Variants in TRAPPC12 observed in about 807,000 individuals in gnomAD.
TRAPPC12 encodes trafficking protein particle complex subunit 12.
A neutral mutation model predicts 69.2 loss-of-function variants in TRAPPC12; 61 were observed. The observed-to-expected ratio is 0.88, with a 90% CI of 0.72 to 1.09. The LOEUF is 1.09. Among genes scored for constraint, TRAPPC12 ranks in the 50% least tolerant of loss-of-function variants. The pLI is 0.00. For missense variants in TRAPPC12, 1,101 were observed against 1,016.4 expected (o/e 1.08, Z -1.13); for synonymous variants, 469 against 438.9 (o/e 1.07, Z -0.86).
chr2:3,458,093 G>C (rs1665279598), intron 7 of TRAPPC12: 1 of 1,031,096 alleles, frequency 9.7e-7, no homozygotes, highest in Non-Finnish European at 1.2e-6. Flanking sequence ...CAGAGGCTCG[G>C]GAGGGTGCTT....
chr2:3,393,640 A>G lies in TRAPPC12; in HGVS notation c.1047+4970A>G, dbSNP rs532530853. On this transcript the variant is annotated intron_variant, in intron 2 of 11. Transcript: ENST00000324266. ...GAATATATATAATTTGTATTTGTCA[A>G]CTAAATATTCTAAAATTTAAAAATA... Among the ~76,000 whole-genome samples, 13 of 152,150 alleles carry G rather than the reference A, an allele frequency of 8.5e-5. 1 individual carries two copies. In the South Asian group the frequency reaches 2.7e-3, roughly 32 times the overall value.
At chr2:3,386,899 T>A (rs1472850392) in intron 1 of TRAPPC12, among the ~76,000 whole-genome samples, 1 of 152,160 alleles carries the variant, frequency 6.6e-6, no homozygotes. Context: ...TTGGCAAGGA[T>A]GTGAATTCCA....
At chr2:3,389,417 T>C (rs4353680) in intron 2 of TRAPPC12, among the ~76,000 whole-genome samples, 94,045 of 152,196 alleles carry the variant, frequency 0.62, 29,291 homozygotes, top group East Asian at 0.7. Context: ...GGAGCAGGCT[T>C]CACACGGGGC....
At chr2:3,436,779 GGATTAATA>G (rs1217941940) in intron 5 of TRAPPC12, among the ~76,000 whole-genome samples, 16 of 94,640 alleles carry the variant, frequency 1.7e-4, no homozygotes, top group African/African-American at 6.2e-4. Flanking sequence ...CACTACCCCT[GGATTAATA>G]CCCCATCACC....
intron 4 of TRAPPC12, among the ~76,000 whole-genome samples, chr2:3,423,874 T>A (rs1662956584): frequency 6.6e-6 from 1 of 152,204 alleles, no homozygotes; most frequent in Non-Finnish European, 1.5e-5. Flanking sequence ...TTCCTGAATG[T>A]ACCCCTGAGA....
intron 6 of TRAPPC12, 55 bp downstream of exon 6, chr2:3,443,946 T>G: frequency 7.4e-7 from 1 of 1,346,836 alleles, no homozygotes; most frequent in Non-Finnish European, 1.1e-6. Flanking sequence ...CTCCACGCCC[T>G]CCCCACAGGA....
chr2:3,384,682 T>A (rs904243251), intron 1 of TRAPPC12, among the ~76,000 whole-genome samples: 1 of 152,196 alleles, frequency 6.6e-6, no homozygotes, highest in Non-Finnish European at 1.5e-5. Flanking sequence ...ATTTCAAGAT[T>A]TTTGCATGTG....
intron 5 of TRAPPC12, among the ~76,000 whole-genome samples, chr2:3,438,582 C>T (rs548933640): frequency 9.8e-6 from 1 of 102,296 alleles, no homozygotes; most frequent in African/African-American, 3.7e-5. Context: ...CTGGATTAAT[C>T]CCCCCATCCC....
At chr2:3,409,067 A>C (rs1339607890) in intron 3 of TRAPPC12, among the ~76,000 whole-genome samples, 2 of 152,202 alleles carry the variant, frequency 1.3e-5, no homozygotes, top group Non-Finnish European at 2.9e-5. Context: ...GCTGTCTTGC[A>C]GCCCAGTCCC....
At chr2:3,431,760 A>G (rs764161528) in intron 5 of TRAPPC12, among the ~76,000 whole-genome samples, 4 of 152,354 alleles carry the variant, frequency 2.6e-5, no homozygotes, top group Non-Finnish European at 4.4e-5. Context: ...ATTTGTTACA[A>G]TTGATGAACC....
chr2:3,397,028 G>A (rs1661172819), intron 2 of TRAPPC12, among the ~76,000 whole-genome samples: 1 of 152,126 alleles, frequency 6.6e-6, no homozygotes, highest in African/African-American at 2.4e-5. Flanking sequence ...GTTCTTATCT[G>A]AAAGTTCCAT....
chr2:3,457,884 C>T (rs544835590), intron 7 of TRAPPC12, 191 bp downstream of exon 7: 8 of 1,432,834 alleles, frequency 5.6e-6, no homozygotes, highest in East Asian at 2.5e-5. Flanking sequence ...GTGGGTGCAA[C>T]GTGCAGCCTC....
chr2:3,429,509 T>G (rs952896753), intron 5 of TRAPPC12, among the ~76,000 whole-genome samples: 1 of 152,230 alleles, frequency 6.6e-6, no homozygotes, highest in East Asian at 1.9e-4. Flanking sequence ...CTATTCGCGT[T>G]TCTCTGATTT....
At chr2:3,436,355 A>G (rs918654984) in intron 5 of TRAPPC12, among the ~76,000 whole-genome samples, 3 of 152,158 alleles carry the variant, frequency 2.0e-5, no homozygotes, top group South Asian at 4.1e-4. Flanking sequence ...CATGCTCATT[A>G]AAAACTCCAT....
chr2:3,395,510 G>A (rs903358227), intron 2 of TRAPPC12, among the ~76,000 whole-genome samples: 5 of 150,530 alleles, frequency 3.3e-5, no homozygotes, highest in Non-Finnish European at 4.4e-5. Flanking sequence ...TTGGGGTGCA[G>A]GTATACTAGC....
chr2:3,390,922 C>T (rs527258532), intron 2 of TRAPPC12, among the ~76,000 whole-genome samples: 52 of 152,236 alleles, frequency 3.4e-4, no homozygotes, highest in African/African-American at 1.2e-3. Flanking sequence ...TTCCTCTGAT[C>T]ATTGGTGAAT....
chr2:3,443,953 A>G lies in TRAPPC12; in HGVS notation c.1530+62A>G, dbSNP rs1282265456. ...AACATGCCCTCCACGCCCTCCCCAC[A>G]GGACATGCCCGTGCTGTTCCCTGCC... On this transcript the variant is annotated intron_variant, in intron 6 of 11. Coordinates refer to ENST00000324266, the MANE Select transcript of TRAPPC12 (RefSeq NM_016030.6). 2.3e-6 allele frequency: 3 copies of G among 1,280,996 alleles called. No homozygotes were observed. The African/African-American group carries it at 4.4e-5, about 19-fold the overall frequency. The allele number at this position is 1,280,996 out of a possible 1,614,324, so 79.4% of individuals were successfully genotyped here. A position where few individuals can be genotyped will look rare whatever the true frequency, so the allele number is the denominator to read the frequency against.
Position 3,385,721 on chromosome 2 carries a change from C to G in TRAPPC12, c.-4-1899C>G, listed in dbSNP as rs567284193. Among the ~76,000 whole-genome samples, 27 of 152,318 alleles carry G rather than the reference C, an allele frequency of 1.8e-4. No homozygotes were observed. The South Asian group carries it at 1.9e-3, about 11-fold the overall frequency. On this transcript the variant is annotated intron_variant, in intron 1 of 11. Coordinates refer to ENST00000324266, the MANE Select transcript of TRAPPC12 (RefSeq NM_016030.6). ...TGAGACGGAGGGAAGATCCCTTTCT[C>G]TCATCATTAGCTTATATCGAAATCA...
chr2:3,473,395 G>C (rs1666150565), intron 9 of TRAPPC12, among the ~76,000 whole-genome samples: 1 of 152,242 alleles, frequency 6.6e-6, no homozygotes, highest in East Asian at 1.9e-4. Flanking sequence ...TTTCTGATAA[G>C]CTTTAAAATA....
Sources: allele counts gnomAD v4.1 joint callset (sites outside exome capture counted in the v4.1 genomes callset), GRCh38; gene constraint gnomAD v4.1.1; transcripts MANE v1.5; gene names NCBI Gene and HGNC (gene_info 2026-07-23, HGNC 2026-07-21).